Variants in PLXNA4 observed in about 807,000 individuals in gnomAD.
PLXNA4 encodes plexin A4.
In PLXNA4, 44 loss-of-function variants were observed where a neutral mutation model predicts 191.8. The ratio of observed to expected loss-of-function variants is 0.23; its 90% CI spans 0.18 to 0.29. PLXNA4 has a LOEUF of 0.29. PLXNA4 is among the 10% of genes least tolerant of loss of function. The pLI, the probability that PLXNA4 is intolerant of heterozygous loss-of-function variation, is 1.00. For missense variants in PLXNA4, 1,800 were observed against 2,488.8 expected, an observed-to-expected ratio of 0.72 and a Z score of 5.89; for synonymous variants, 1,082 against 1,009.5, an observed-to-expected ratio of 1.07 and a Z score of -1.36.
chr7:132,618,323 G>T (rs557478874), intron 2 of PLXNA4, among the ~76,000 whole-genome samples: 2 of 152,130 alleles, frequency 1.3e-5, no homozygotes, highest in Non-Finnish European at 2.9e-5. Flanking sequence ...CATTCATCAC[G>T]GTGCTGGGTG....
intron 27 of PLXNA4, 49 bp downstream of exon 27, chr7:132,147,851 A>T (rs781564440): frequency 6.2e-7 from 1 of 1,612,210 alleles, no homozygotes; most frequent in Non-Finnish European, 8.5e-7. Context: ...TCATGACAAC[A>T]GCTGCTCAGG....
chr7:132,370,592 G>A lies in PLXNA4; in HGVS notation c.1372-72370C>T, dbSNP rs1445212943. Among the ~76,000 whole-genome samples the A allele has an allele frequency of 3.3e-5, 5 of 152,126 alleles. No individual in the cohort carries two copies. The South Asian group carries it at 6.2e-4, about 19-fold the overall frequency. On this transcript the variant is annotated intron_variant, in intron 3 of 31. Transcript: ENST00000321063. ...TAGTCTTGCTCTGCCTGTATTTAGC[G>A]GTGCCAGCTATCCTGGACTCTGTTT... is the stretch of plus-strand genomic sequence containing the variant.
At chr7:132,589,166 C>T (rs1017837596) in intron 2 of PLXNA4, among the ~76,000 whole-genome samples, 3 of 152,192 alleles carry the variant, frequency 2.0e-5, no homozygotes, top group Non-Finnish European at 4.4e-5. Flanking sequence ...TAGTCACTAC[C>T]CTTAGGGGGT....
intron 9 of PLXNA4, among the ~76,000 whole-genome samples, chr7:132,212,924 C>A (rs909756226): frequency 2.6e-5 from 4 of 152,192 alleles, no homozygotes; most frequent in African/African-American, 7.2e-5. Context: ...CCCAGAGGAA[C>A]TGAAAACAAG....
At chr7:132,579,456 CGT>C (rs1563185781), upstream of PLXNA4, among the ~76,000 whole-genome samples, 2 of 146,196 alleles carry the variant, frequency 1.4e-5, no homozygotes, top group Admixed American at 6.8e-5. Context: ...TGTGTGTGTG[CGT>C]GTGTGTGTGA....
intron 3 of PLXNA4, among the ~76,000 whole-genome samples, chr7:132,406,831 C>T (rs888822212): frequency 1.3e-5 from 2 of 152,092 alleles, no homozygotes; most frequent in Non-Finnish European, 2.9e-5. Context: ...GTTCAAATCT[C>T]GAATGTCCTT....
chr7:132,602,379 A>G (rs1802837095), intron 2 of PLXNA4, among the ~76,000 whole-genome samples: 1 of 152,226 alleles, frequency 6.6e-6, no homozygotes, highest in Admixed American at 6.5e-5. Context: ...GATGACAGCT[A>G]CATGCTCTAT....
intron 4 of PLXNA4, among the ~76,000 whole-genome samples, chr7:132,280,938 T>G (rs1048578423): frequency 1.3e-5 from 2 of 151,844 alleles, no homozygotes; most frequent in Admixed American, 6.6e-5. Flanking sequence ...TATAAAAAAT[T>G]TATTAATAAA....
chr7:132,485,948 A>G (rs958732378), intron 3 of PLXNA4, among the ~76,000 whole-genome samples: 1 of 152,198 alleles, frequency 6.6e-6, no homozygotes, highest in African/African-American at 2.4e-5. Context: ...CAAAATAAAA[A>G]GTAATTTTGA....
At chr7:132,608,009 T>TCAC (rs780896957) in intron 2 of PLXNA4, among the ~76,000 whole-genome samples, 10 of 103,906 alleles carry the variant, frequency 9.6e-5, no homozygotes, top group African/African-American at 3.6e-4. Flanking sequence ...ATCACTGCCA[T>TCAC]CATCCTCATC....
chr7:132,453,493 C>T (rs1316098724), intron 3 of PLXNA4, among the ~76,000 whole-genome samples: 2 of 152,068 alleles, frequency 1.3e-5, no homozygotes, highest in African/African-American at 2.4e-5. Flanking sequence ...TGAGAACAGT[C>T]CCCAGAAGGA....
intron 4 of PLXNA4, among the ~76,000 whole-genome samples, chr7:132,290,813 C>A (rs931814848): frequency 3.9e-5 from 6 of 152,154 alleles, no homozygotes; most frequent in African/African-American, 1.4e-4. Context: ...ACACTCCAAG[C>A]AGAAGTGTAC....
In PLXNA4 at chr7:132,508,115, G is replaced by A. The variant is rs780087163; in HGVS notation, c.579C>T (p.Pro193=). 18 of 1,614,060 alleles carry A rather than the reference G, an allele frequency of 1.1e-5. No homozygotes were observed. The highest frequency in any genetic ancestry group is 1.6e-4 in the Middle Eastern group (1 of 6,084). The change falls in exon 2 of 32, where the codon CCC becomes CCT. Residue 193 remains proline (P), a synonymous_variant. Coordinates refer to ENST00000321063, the MANE Select transcript of PLXNA4 (RefSeq NM_020911.2). This position sits in a 1 kb window ranked among gnomAD's most constrained non-coding sequence, Gnocchi z 4.4. ...GGCTGGAGATGGTGGGAAAATACTCGGGCTTCCCATCCACTGCCGTGGCAA... is the reference window on the plus strand; with the variant it reads ...GGCTGGAGATGGTGGGAAAATACTCAGGCTTCCCATCCACTGCCGTGGCAA... ...LFIATAVDGK[P]EYFPTISSRK...
chr7:132,358,447 T>C (rs750569225), intron 3 of PLXNA4, among the ~76,000 whole-genome samples: 8 of 152,188 alleles, frequency 5.3e-5, no homozygotes, highest in Non-Finnish European at 1.2e-4. Context: ...AGCTCTCAAA[T>C]GGCCTAGTAA....
At chr7:132,392,919 G>A (rs1793571005) in intron 3 of PLXNA4, among the ~76,000 whole-genome samples, 1 of 152,110 alleles carries the variant, frequency 6.6e-6, no homozygotes, top group South Asian at 2.1e-4. Flanking sequence ...GCCTCCCTGT[G>A]TCCATCTGAG....
intron 3 of PLXNA4, among the ~76,000 whole-genome samples, chr7:132,423,776 C>T (rs1178448582): frequency 6.6e-6 from 1 of 152,204 alleles, no homozygotes; most frequent in East Asian, 1.9e-4. Context: ...CCCTCCCCTT[C>T]TCTCTCCTGC....
intron 3 of PLXNA4, among the ~76,000 whole-genome samples, chr7:132,333,586 G>A (rs1432924126): frequency 6.6e-6 from 1 of 152,212 alleles, no homozygotes; most frequent in African/African-American, 2.4e-5. Flanking sequence ...CTCAGCTGCT[G>A]GAGGGACACG....
intron 4 of PLXNA4, among the ~76,000 whole-genome samples, chr7:132,280,885 A>G (rs1201723888): frequency 6.6e-6 from 1 of 152,170 alleles, no homozygotes; most frequent in Non-Finnish European, 1.5e-5. Context: ...CTTCATAGTA[A>G]AAAGTTCTTT....
Position 132,210,931 on chromosome 7 carries a change from T to A in PLXNA4, c.2298+12A>T. On this transcript the variant is annotated intron_variant, in intron 10 of 31. Coordinates refer to ENST00000321063, the MANE Select transcript of PLXNA4 (RefSeq NM_020911.2). The stretch of plus-strand genomic sequence containing the variant: ...GGCCTGGTTTGGCAGTGGGCAGGGT[T>A]GGGCGACTCACAGAGGTGTTCTGGC... 6.2e-7 allele frequency: 1 copy of A among 1,608,004 alleles called. No individual in the cohort carries two copies. Among genetic ancestry groups the A allele is most frequent in the Non-Finnish European group, 8.5e-7 (1 of 1,177,220 alleles).
Sources: gnomAD v4.1 joint callset for allele counts (sites outside exome capture counted in the v4.1 genomes callset) on GRCh38, gnomAD v4.1.1 for gene constraint, Gnocchi (gnomAD v3.1) non-coding constraint, MANE v1.5 for transcripts, NCBI Gene and HGNC (gene_info 2026-07-23, HGNC 2026-07-21) for gene names.